Variants in FLNB observed in about 807,000 individuals in gnomAD.
The protein encoded by FLNB is filamin-B.
In FLNB, 111 loss-of-function variants were observed where a neutral mutation model predicts 250.6. That is an observed-to-expected ratio of 0.44 (90% CI 0.38 to 0.52). The LOEUF (loss-of-function observed/expected upper bound fraction) is 0.52. Ranked by LOEUF, FLNB falls within the 20% of genes least tolerant of loss-of-function variation. The probability of loss-of-function intolerance (pLI) is 0.00; values close to 1 mark genes in which losing one functional copy is unlikely to be tolerated. For missense variants in FLNB, 2,869 were observed against 3,447.8 expected (o/e 0.83, Z 4.20); for synonymous variants, 1,302 against 1,372.1 (o/e 0.95, Z 1.13).
At chr3:58,021,797 T>C (rs1367395564) in intron 1 of FLNB, among the ~76,000 whole-genome samples, 1 of 151,934 alleles carries the variant, frequency 6.6e-6, no homozygotes, top group Non-Finnish European at 1.5e-5. Flanking sequence ...TTTTTGGAGA[T>C]AGAGTCTTGC....
chr3:58,032,177 C>T (rs912605430), intron 1 of FLNB, among the ~76,000 whole-genome samples: 2 of 152,220 alleles, frequency 1.3e-5, no homozygotes, highest in East Asian at 1.9e-4. Context: ...TCAAGCAATC[C>T]TCTCTTCAGC....
rs577634382 is a variant in FLNB, at chr3:58,023,662, C to T, written c.292+14806C>T. Among the ~76,000 whole-genome samples, 34 of 152,266 alleles carry T rather than the reference C, an allele frequency of 2.2e-4. 1 individual carries two copies. In the South Asian group the frequency reaches 7.0e-3, roughly 32 times the overall value. On this transcript the variant is annotated intron_variant, in intron 1 of 45. Coordinates refer to ENST00000295956, the MANE Select transcript of FLNB (RefSeq NM_001457.4). ...TCATACTGATGGTTATAACAAGATT[C>T]GTCTTCAATTGAGTTATTGCTGAGC...
chr3:58,084,846 T>A (rs1371311525), intron 4 of FLNB, among the ~76,000 whole-genome samples: 1 of 152,106 alleles, frequency 6.6e-6, no homozygotes, highest in East Asian at 1.9e-4. Flanking sequence ...CTCCTAGAAG[T>A]GAAATCATAT....
rs1268450570 is a variant in FLNB, at chr3:58,163,221, G to T, written c.7089G>T (p.Gly2363=). 6.2e-7 allele frequency: 1 copy of T among 1,614,178 alleles called. No homozygotes were observed. The highest frequency in any genetic ancestry group is 1.1e-5 in the South Asian group (1 of 91,082). ...ACACCATCGATGTCAAGTTCAATGGGAGCCACGTGGTTGGAAGCCCCTTCA... is the reference window on the plus strand; with the variant it reads ...ACACCATCGATGTCAAGTTCAATGGTAGCCACGTGGTTGGAAGCCCCTTCA... ...GVHTIDVKFN[G]SHVVGSPFKV... Residue 2363 remains glycine, a synonymous_variant, in exon 43 of 46, where the codon GGG becomes GGT. Coordinates refer to ENST00000295956, the MANE Select transcript of FLNB (RefSeq NM_001457.4).
In FLNB at chr3:58,171,657, G is replaced by A. The variant is rs1186170871; in HGVS notation, c.*895G>A. Reference sequence around the variant, plus strand: ...AAATGTTTAAAGTGATCTCAGAGGGGCCCATGGATTAACGCCCTCATCCCA... The same window carrying A: ...AAATGTTTAAAGTGATCTCAGAGGGACCCATGGATTAACGCCCTCATCCCA... On this transcript the variant is annotated 3_prime_UTR_variant, in exon 46 of 46. Transcript: ENST00000295956. The surrounding 1 kb of genome is among the most constrained non-coding windows in gnomAD (Gnocchi z 5.5). 6.6e-6 allele frequency: 1 copy of A among 152,240 alleles called. No homozygotes were observed. Among genetic ancestry groups the A allele is most frequent in the Non-Finnish European group, 1.5e-5 (1 of 68,086 alleles). 9.4% of individuals were successfully genotyped at this position (152,240 alleles called of 1,614,324 possible). A position where few individuals can be genotyped will look rare whatever the true frequency, so the allele number is the denominator to read the frequency against.
At chr3:58,063,022 C>G (rs1042246734) in intron 1 of FLNB, among the ~76,000 whole-genome samples, 2 of 152,170 alleles carry the variant, frequency 1.3e-5, no homozygotes, top group South Asian at 2.1e-4. Context: ...ATCACCGCAG[C>G]CTGATGAGGC....
intron 1 of FLNB, among the ~76,000 whole-genome samples, chr3:58,039,368 A>G (rs975962907): frequency 6.6e-6 from 1 of 151,798 alleles, no homozygotes; most frequent in African/African-American, 2.4e-5. Context: ...TTTTTAATGG[A>G]AAACGGTGTC....
chr3:58,010,197 T>C lies in FLNB; in HGVS notation c.292+1341T>C, dbSNP rs9860818. On this transcript the variant is annotated intron_variant, in intron 1 of 45. Coordinates refer to ENST00000295956, the MANE Select transcript of FLNB (RefSeq NM_001457.4). ...TCTCTTCCTAAGGAGAACCAGGGAC[T>C]GGCCCTGGCCTGTGATTTGGGTCTC... Among the ~76,000 whole-genome samples the C allele has an allele frequency of 7.4e-4, 113 of 152,322 alleles. 2 individuals are homozygous for C. The highest frequency in any genetic ancestry group is 2.6e-3 in the African/African-American group (107 of 41,572).
At chr3:58,101,953 T>G (rs929105694) in intron 8 of FLNB, among the ~76,000 whole-genome samples, 1 of 152,240 alleles carries the variant, frequency 6.6e-6, no homozygotes, top group African/African-American at 2.4e-5. Flanking sequence ...GGATTTGCTG[T>G]GCTCTCCTGT....
chr3:58,037,256 G>A (rs1010384401), intron 1 of FLNB, among the ~76,000 whole-genome samples: 3 of 151,984 alleles, frequency 2.0e-5, no homozygotes, highest in African/African-American at 7.2e-5. Flanking sequence ...GTAGAGACGG[G>A]GTTTCGCCAT....
chr3:58,118,422 A>G (rs1300486386), intron 18 of FLNB, among the ~76,000 whole-genome samples: 1 of 152,168 alleles, frequency 6.6e-6, no homozygotes, highest in Non-Finnish European at 1.5e-5. Flanking sequence ...GTGGTGTGGC[A>G]GAGCAGCTAG....
At chr3:58,119,786 G>A (rs2097285355) in intron 19 of FLNB, among the ~76,000 whole-genome samples, 1 of 152,110 alleles carries the variant, frequency 6.6e-6, no homozygotes. Context: ...TTTCAATTCA[G>A]TTTCTGTTCT....
At chr3:58,048,362 C>T (rs1057057456) in intron 1 of FLNB, among the ~76,000 whole-genome samples, 1 of 152,150 alleles carries the variant, frequency 6.6e-6, no homozygotes, top group African/African-American at 2.4e-5. Context: ...CAGGGTGGAG[C>T]CTGGGAATCT....
chr3:58,079,541 G>T, intron 3 of FLNB, among the ~76,000 whole-genome samples: 1 of 152,322 alleles, frequency 6.6e-6, no homozygotes, highest in Admixed American at 6.5e-5. Flanking sequence ...GTGAGCCACT[G>T]TGCCTGGCCG....
chr3:58,044,436 A>AAAACAAAC (rs55929512), intron 1 of FLNB, among the ~76,000 whole-genome samples: 31 of 150,950 alleles, frequency 2.1e-4, no homozygotes, highest in South Asian at 6.4e-4. Flanking sequence ...GTCTCTACAA[A>AAAACAAAC]AAACAAACAA....
intron 29 of FLNB, among the ~76,000 whole-genome samples, chr3:58,141,591 A>G (rs2097327129): frequency 6.6e-6 from 1 of 152,184 alleles, no homozygotes; most frequent in African/African-American, 2.4e-5. Context: ...AGGTCCTTAC[A>G]CACATCAATT....
intron 1 of FLNB, among the ~76,000 whole-genome samples, chr3:58,036,101 A>G (rs1247604709): frequency 6.6e-6 from 1 of 152,198 alleles, no homozygotes; most frequent in Non-Finnish European, 1.5e-5. Flanking sequence ...TTCAGATGAA[A>G]GAGGACCCTA....
Position 58,169,644 on chromosome 3 carries a change from AGTCAGTGACCAG to A in FLNB, c.7476_7487del (p.Val2493_Ser2496del). 6.2e-7 allele frequency: 1 copy of A among 1,614,092 alleles called. No homozygotes were observed. Among genetic ancestry groups the A allele is most frequent in the Non-Finnish European group, 8.5e-7 (1 of 1,179,984 alleles). ...AACGAGACCTCATCCATCCTGGTGG[AGTCAGTGACCAG>A]GTCGTCTACAGAGACCTGCTATAGC... is the stretch of plus-strand genomic sequence containing the variant. On this transcript the variant is annotated inframe_deletion, in exon 45 of 46. Transcript: ENST00000295956. This position sits in a 1 kb window ranked among gnomAD's most constrained non-coding sequence, Gnocchi z 4.8.
intron 41 of FLNB, among the ~76,000 whole-genome samples, chr3:58,158,009 C>T (rs2097355893): frequency 6.6e-6 from 1 of 150,750 alleles, no homozygotes; most frequent in Admixed American, 6.6e-5. Context: ...TTGCGGAGGC[C>T]CACGCAAGCA....
Sources: allele counts gnomAD v4.1 joint callset (sites outside exome capture counted in the v4.1 genomes callset), GRCh38; gene constraint gnomAD v4.1.1; non-coding constraint Gnocchi (gnomAD v3.1); transcripts MANE v1.5; gene names NCBI Gene and HGNC (gene_info 2026-07-23, HGNC 2026-07-21).